The following ATG7 variants were observed in gnomAD, a reference collection of about 807,000 sequenced individuals.
The protein encoded by ATG7 is autophagy related 7, also known as ubiquitin-like modifier-activating enzyme ATG7.
A neutral mutation model predicts 82.4 loss-of-function variants in ATG7; 70 were observed. That is an observed-to-expected ratio of 0.85 (90% CI 0.70 to 1.04). The LOEUF is 1.04. Ranked by LOEUF, ATG7 falls within the 50% of genes least tolerant of loss-of-function variation. The pLI is 0.00. For missense variants in ATG7, 792 were observed against 864.3 expected, an observed-to-expected ratio of 0.92 and a Z score of 1.05; for synonymous variants, 287 against 313.0, an observed-to-expected ratio of 0.92 and a Z score of 0.88.
intron 19 of ATG7, among the ~76,000 whole-genome samples, chr3:11,426,208 C>G (rs894745414): frequency 7.9e-5 from 12 of 152,108 alleles, no homozygotes; most frequent in African/African-American, 2.4e-4. Flanking sequence ...TTGGTATTTT[C>G]TTTGTCATTT....
intron 19 of ATG7, among the ~76,000 whole-genome samples, chr3:11,385,817 G>T (rs903620137): frequency 6.6e-6 from 1 of 152,204 alleles, no homozygotes; most frequent in Non-Finnish European, 1.5e-5. Flanking sequence ...AAACATGGCA[G>T]TTATGAAGTT....
intron 20 of ATG7, among the ~76,000 whole-genome samples, chr3:11,436,476 C>T (rs977355740): frequency 2.6e-5 from 4 of 152,118 alleles, no homozygotes; most frequent in Admixed American, 6.5e-5. Flanking sequence ...GATATATACC[C>T]AAGGCTACTC....
At chr3:11,559,588 T>G, downstream of ATG7, 1 of 1,316,110 alleles carries the variant, frequency 7.6e-7, no homozygotes, top group Non-Finnish European at 1.0e-6. Flanking sequence ...CCCACTTCAA[T>G]ACTGGAGTCC....
chr3:11,430,869 T>C (rs915161602), intron 20 of ATG7, among the ~76,000 whole-genome samples: 1 of 152,326 alleles, frequency 6.6e-6, no homozygotes, highest in East Asian at 1.9e-4. Flanking sequence ...CACTTAGTTT[T>C]AAAGGATGAG....
chr3:11,421,292 A>G (rs1270011410), intron 19 of ATG7, among the ~76,000 whole-genome samples: 2 of 152,108 alleles, frequency 1.3e-5, no homozygotes, highest in Non-Finnish European at 2.9e-5. Flanking sequence ...GTTTGATAGC[A>G]TTTTACCCAC....
intron 7 of ATG7, among the ~76,000 whole-genome samples, chr3:11,310,566 A>G (rs987267816): frequency 6.6e-6 from 1 of 151,358 alleles, no homozygotes; most frequent in Non-Finnish European, 1.5e-5. Context: ...AAATGTTTAA[A>G]TTTTTTGTCT....
intron 3 of ATG7, among the ~76,000 whole-genome samples, chr3:11,284,977 G>A (rs1275964981): frequency 1.3e-5 from 2 of 151,272 alleles, no homozygotes; most frequent in African/African-American, 4.9e-5. Flanking sequence ...CTCCCAAGTA[G>A]TTGGGACTAT....
Position 11,372,900 on chromosome 3 carries a change from A to C in ATG7, c.1876-7072A>C, listed in dbSNP as rs543382220. On this transcript the variant is annotated intron_variant, in intron 18 of 20. Transcript: ENST00000693202. ...TGTTTTCCCCTTGTGGGGAGAGGGG[A>C]GAATGAGAAAACAATATTCAGGTGA... is the stretch of plus-strand genomic sequence containing the variant. Among the ~76,000 whole-genome samples the C allele has an allele frequency of 1.3e-4, 19 of 150,948 alleles. 1 individual carries two copies. In the South Asian group the frequency reaches 3.8e-3, roughly 30 times the overall value.
chr3:11,312,340 A>G (rs1179589309), intron 7 of ATG7, among the ~76,000 whole-genome samples: 1 of 152,236 alleles, frequency 6.6e-6, no homozygotes, highest in African/African-American at 2.4e-5. Flanking sequence ...TGCTACCATG[A>G]ATTTAATTAA....
At chr3:11,478,065 A>T (rs2088469299) in intron 20 of ATG7, among the ~76,000 whole-genome samples, 1 of 152,156 alleles carries the variant, frequency 6.6e-6, no homozygotes, top group Admixed American at 6.5e-5. Flanking sequence ...CAGTATGATT[A>T]TCCTGCCTGG....
intron 20 of ATG7, among the ~76,000 whole-genome samples, chr3:11,448,152 T>C (rs1216043308): frequency 6.6e-6 from 1 of 152,188 alleles, no homozygotes; most frequent in African/African-American, 2.4e-5. Context: ...AGAAAAGAAG[T>C]CTTTATTCAC....
In ATG7 at chr3:11,502,201, CT is replaced by C. The variant is rs565183236; in HGVS notation, c.2080-52599del. On this transcript the variant is annotated intron_variant, in intron 20 of 20. Coordinates refer to ENST00000693202, the MANE Select transcript of ATG7 (RefSeq NM_001349232.2). ...AAAAGATGGACAAGAACGTTAAATT[CT>C]TTTTTTTTTTAATTTTAATTTATTT... Among the ~76,000 whole-genome samples, 366 of 144,822 alleles carry C rather than the reference CT, an allele frequency of 2.5e-3. 3 individuals carry two copies. The highest frequency in any genetic ancestry group is 9.4e-3 in the East Asian group (47 of 4,984).
chr3:11,397,552 G>A (rs1303571533), intron 19 of ATG7, among the ~76,000 whole-genome samples: 3 of 151,872 alleles, frequency 2.0e-5, no homozygotes, highest in Admixed American at 2.0e-4. Flanking sequence ...CCATCTCCCA[G>A]GTTCAAATGA....
intron 20 of ATG7, among the ~76,000 whole-genome samples, chr3:11,452,293 G>A (rs1576510060): frequency 7.0e-6 from 1 of 141,988 alleles, no homozygotes; most frequent in Non-Finnish European, 1.5e-5. Flanking sequence ...GCTGAGGCAG[G>A]AGAATCACTT....
intron 1 of ATG7, chr3:11,272,782 C>G (rs1328572433): frequency 2.0e-5 from 3 of 152,264 alleles, no homozygotes; most frequent in African/African-American, 7.2e-5. Context: ...CTGGCTGTGT[C>G]TGGATTTGCT....
At chr3:11,342,379 C>G in intron 13 of ATG7, 100 bp downstream of exon 13, 1 of 1,369,544 alleles carries the variant, frequency 7.3e-7, no homozygotes, top group Non-Finnish European at 9.8e-7. Context: ...CTCCCCATCC[C>G]CTCCATCTCT....
rs57073881 is a variant in ATG7 at position 11,442,739 on chromosome 3, CAAAAAAAAAAAAAA to C, written c.2079+15832_2079+15845del. On this transcript the variant is annotated intron_variant, in intron 20 of 20. Transcript: ENST00000693202. ...GCAGCATAGTGAGACTCCATCTCTA[CAAAAAAAAAAAAAA>C]AAAAAAAAAAAAAAAAAATTAGCCA... Among the ~76,000 whole-genome samples the C allele has an allele frequency of 6.4e-3, 440 of 69,242 alleles. 4 individuals are homozygous for C. Among genetic ancestry groups the C allele is most frequent in the African/African-American group, 0.023 (413 of 17,584 alleles). 45.4% of individuals were successfully genotyped at this position (69,242 alleles called of 152,430 possible). A position where few individuals can be genotyped will look rare whatever the true frequency, so the allele number is the denominator to read the frequency against.
chr3:11,423,551 C>G (rs545538972), intron 19 of ATG7, among the ~76,000 whole-genome samples: 1 of 152,006 alleles, frequency 6.6e-6, no homozygotes, highest in Non-Finnish European at 1.5e-5. Context: ...GACATTTTTT[C>G]CTGACGTAAC....
intron 20 of ATG7, among the ~76,000 whole-genome samples, chr3:11,473,359 T>C (rs561020218): frequency 1.8e-4 from 27 of 152,332 alleles, no homozygotes; most frequent in Middle Eastern, 6.8e-3. Flanking sequence ...AACAGGACTT[T>C]CCTGCAAATC....
Sources: allele counts gnomAD v4.1 joint callset (sites outside exome capture counted in the v4.1 genomes callset), GRCh38; gene constraint gnomAD v4.1.1; transcripts MANE v1.5; gene names NCBI Gene and HGNC (gene_info 2026-07-23, HGNC 2026-07-21).